The following HIPK2 variants were observed in gnomAD, a reference collection of about 807,000 sequenced individuals.
The protein encoded by HIPK2 is homeodomain interacting protein kinase 2, also known as homeodomain-interacting protein kinase 2.
A neutral mutation model predicts 113.7 loss-of-function variants in HIPK2; 27 were observed. The ratio of observed to expected loss-of-function variants is 0.24; its 90% CI spans 0.17 to 0.33. The LOEUF (loss-of-function observed/expected upper bound fraction) is 0.33. Among genes scored for constraint, HIPK2 ranks in the 10% least tolerant of loss-of-function variants. The pLI, the probability that HIPK2 is intolerant of heterozygous loss-of-function variation, is 1.00. For synonymous variants in HIPK2, 631 were observed against 642.2 expected (o/e 0.98, Z 0.26); for missense variants, 1,257 against 1,588.0 (o/e 0.79, Z 3.54).
rs575325992 is a variant in HIPK2, at chr7:139,613,701, T to C, written c.1991-378A>G. Among the ~76,000 whole-genome samples, 2 of 152,352 alleles carry C rather than the reference T, an allele frequency of 1.3e-5. No individual in the cohort carries two copies. Among genetic ancestry groups the C allele is most frequent in the African/African-American group, 2.4e-5 (1 of 41,584 alleles). On this transcript the variant is annotated intron_variant, in intron 8 of 14. Transcript: ENST00000406875. The surrounding 1 kb of genome is among the most constrained non-coding windows in gnomAD (Gnocchi z 4.2). Reference sequence around the variant, plus strand: ...TGAACCCATTTGGAATTGCATTGACTGTAACCACACAGTTTACACCATGAG... The same window carrying C: ...TGAACCCATTTGGAATTGCATTGACCGTAACCACACAGTTTACACCATGAG...
rs745975390 is a variant in HIPK2, at chr7:139,573,383, G to A, written c.3141C>T (p.Ile1047=). The part of the protein sequence containing the change: ...PLNLSQAQQH[I]TTDRTGSHRR... The stretch of plus-strand genomic sequence containing the variant: ...GGTGGCTCCCAGTGCGGTCCGTGGT[G>A]ATGTGCTGCTGAGCCTGGGGAGGAG... Residue 1047 remains isoleucine (I), a synonymous_variant, in exon 15 of 15, where the codon ATC becomes ATT. Coordinates refer to ENST00000406875, the MANE Select transcript of HIPK2 (RefSeq NM_022740.5). 1.2e-6 allele frequency: 2 copies of A among 1,603,672 alleles called. No individual in the cohort carries two copies. The highest frequency in any genetic ancestry group is 1.7e-5 in the Admixed American group (1 of 60,014).
At chr7:139,579,261 T>C (rs1352149898) in intron 13 of HIPK2, among the ~76,000 whole-genome samples, 1 of 151,070 alleles carries the variant, frequency 6.6e-6, no homozygotes, top group Non-Finnish European at 1.5e-5. Flanking sequence ...AGCAAGAACA[T>C]ATTGCAAGAT....
intron 6 of HIPK2, among the ~76,000 whole-genome samples, chr7:139,623,517 CAAAAAAAAAAAA>C (rs771370297): frequency 5.4e-5 from 4 of 74,098 alleles, no homozygotes; most frequent in Non-Finnish European, 1.3e-4. Context: ...GACTCTACTT[CAAAAAAAAAAAA>C]AAAAAAAAAG....
rs780384603 is a variant in HIPK2, at chr7:139,661,509, A to G, written c.1104-29784T>C. On this transcript the variant is annotated intron_variant, in intron 2 of 14. Coordinates refer to ENST00000406875, the MANE Select transcript of HIPK2 (RefSeq NM_022740.5). ...TCTCCTTTCTTCTCCATGCTGAAAC[A>G]TATCCCCAGATCCTTCTACTACCCT... Among the ~76,000 whole-genome samples, 73 of 152,316 alleles carry G rather than the reference A, an allele frequency of 4.8e-4. 2 individuals carry two copies. Among genetic ancestry groups the G allele is most frequent in the Non-Finnish European group, 9.0e-4 (61 of 68,022 alleles).
At chr7:139,657,864 T>C (rs1383260060) in intron 2 of HIPK2, among the ~76,000 whole-genome samples, 1 of 152,198 alleles carries the variant, frequency 6.6e-6, no homozygotes, top group Non-Finnish European at 1.5e-5. Context: ...CACAACTGAT[T>C]GACTTATTTT....
intron 12 of HIPK2, among the ~76,000 whole-genome samples, chr7:139,589,971 T>C (rs774308175): frequency 3.3e-5 from 5 of 152,212 alleles, no homozygotes; most frequent in Admixed American, 6.5e-5. Flanking sequence ...TTTTCATCTC[T>C]TCCATTGTTA....
chr7:139,624,391 C>T (rs180990787), intron 6 of HIPK2, among the ~76,000 whole-genome samples: 48 of 152,318 alleles, frequency 3.2e-4, no homozygotes, highest in African/African-American at 1.1e-3. Context: ...CTCTCCAAGC[C>T]ATTCCCTGCC....
In HIPK2 at chr7:139,563,264, T is replaced by C. The variant is rs975113561; in HGVS notation, c.*9663A>G. On this transcript the variant is annotated 3_prime_UTR_variant, in exon 15 of 15. Coordinates refer to ENST00000406875, the MANE Select transcript of HIPK2 (RefSeq NM_022740.5). ...AAACAATTTCAACAATGACAATCCA[T>C]TGCCCCTTCAGCCCAGCAGGCGACT... The C allele has an allele frequency of 2.0e-5, 3 of 152,744 alleles. No homozygotes were observed. Among genetic ancestry groups the C allele is most frequent in the Admixed American group, 6.5e-5 (1 of 15,272 alleles). The allele number at this position is 152,744 out of a possible 1,614,324, so 9.5% of individuals were successfully genotyped here.
chr7:139,648,977 C>G (rs575859244), intron 2 of HIPK2, among the ~76,000 whole-genome samples: 1 of 152,010 alleles, frequency 6.6e-6, no homozygotes, highest in Non-Finnish European at 1.5e-5. Flanking sequence ...TAAAAGCTGG[C>G]GTCTGAAGGT....
intron 2 of HIPK2, among the ~76,000 whole-genome samples, chr7:139,695,487 G>A (rs1409100108): frequency 1.3e-5 from 2 of 152,212 alleles, no homozygotes; most frequent in African/African-American, 4.8e-5. Flanking sequence ...ATGCTACATG[G>A]GAAGGAAACC....
chr7:139,614,890 G>GT (rs1569454588), intron 7 of HIPK2, among the ~76,000 whole-genome samples: 2 of 152,242 alleles, frequency 1.3e-5, no homozygotes, highest in East Asian at 1.9e-4. Flanking sequence ...AAGACCAGGC[G>GT]TGAGTTGAGG....
At chr7:139,692,081 T>C (rs897286780) in intron 2 of HIPK2, among the ~76,000 whole-genome samples, 1 of 152,232 alleles carries the variant, frequency 6.6e-6, no homozygotes, top group African/African-American at 2.4e-5. Context: ...GGCATATCAG[T>C]AGACAGTAGA....
rs76125866 is a variant in HIPK2, at chr7:139,758,104, A to G, written c.19+19501T>C. On this transcript the variant is annotated intron_variant, in intron 1 of 14. Transcript: ENST00000406875. ...AAATTTATAAATTTAATGTGATCCC[A>G]ATGGAAATACCAACAGGCTTTTTTT... Among the ~76,000 whole-genome samples the G allele has an allele frequency of 8.9e-3, 1,361 of 152,334 alleles. 17 individuals carry two copies. Among genetic ancestry groups the G allele is most frequent in the Middle Eastern group, 0.024 (7 of 294 alleles).
chr7:139,632,917 AAAACAAAC>A (rs544235565), intron 2 of HIPK2, among the ~76,000 whole-genome samples: 4 of 151,760 alleles, frequency 2.6e-5, no homozygotes, highest in Non-Finnish European at 4.4e-5. Flanking sequence ...GTCTCTACCA[AAAACAAAC>A]AAACAAACAA....
At position 139,663,113 on chromosome 7, in the gene HIPK2, G is replaced by T. The variant is rs75103599; in HGVS notation, c.1104-31388C>A. On this transcript the variant is annotated intron_variant, in intron 2 of 14. Transcript: ENST00000406875. ...CTAATTCCTGCTCACACTTCCCTCA[G>T]CCCAGGAACTCTCCCTGCATCCTGC... is the stretch of plus-strand genomic sequence containing the variant. Among the ~76,000 whole-genome samples the T allele has an allele frequency of 6.9e-3, 1,043 of 152,196 alleles. 9 individuals carry two copies. The highest frequency in any genetic ancestry group is 0.024 in the African/African-American group (978 of 41,534).
chr7:139,599,815 T>A (rs1799355386), intron 11 of HIPK2, among the ~76,000 whole-genome samples: 1 of 152,180 alleles, frequency 6.6e-6, no homozygotes, highest in East Asian at 1.9e-4. Context: ...AAAAGATAAT[T>A]TGCTTCACCA....
intron 9 of HIPK2, among the ~76,000 whole-genome samples, chr7:139,605,925 G>A (rs1317934228): frequency 3.3e-5 from 5 of 152,210 alleles, no homozygotes; most frequent in African/African-American, 4.8e-5. Context: ...TTCGTTTGCA[G>A]TAAGGTTTCT....
At chr7:139,772,380 G>C (rs1796666130) in intron 1 of HIPK2, among the ~76,000 whole-genome samples, 1 of 152,184 alleles carries the variant, frequency 6.6e-6, no homozygotes, top group Admixed American at 6.5e-5. Flanking sequence ...CTGAGAACTT[G>C]TGCAAATAAG....
intron 2 of HIPK2, among the ~76,000 whole-genome samples, chr7:139,679,381 G>A (rs1408685009): frequency 6.6e-6 from 1 of 152,162 alleles, no homozygotes; most frequent in Admixed American, 6.5e-5. Flanking sequence ...TTTTGAAGGG[G>A]ACCCATTAAA....
Sources: gnomAD v4.1 joint callset for allele counts (sites outside exome capture counted in the v4.1 genomes callset) on GRCh38, gnomAD v4.1.1 for gene constraint, Gnocchi (gnomAD v3.1) non-coding constraint, MANE v1.5 for transcripts, NCBI Gene and HGNC (gene_info 2026-07-23, HGNC 2026-07-21) for gene names.